Variants in FSTL5 observed in about 807,000 individuals in gnomAD.
The protein encoded by FSTL5 is follistatin-related protein 5.
FSTL5 carries 62 observed loss-of-function variants against 89.1 expected under a neutral mutation model. That is an observed-to-expected ratio of 0.70 (90% CI 0.57 to 0.86). The LOEUF is 0.86. Among genes scored for constraint, FSTL5 ranks in the 40% least tolerant of loss-of-function variants. FSTL5 has a pLI of 0.00. For missense variants in FSTL5, 1,057 were observed against 1,001.6 expected (o/e 1.06, Z -0.75); for synonymous variants, 383 against 346.2 (o/e 1.11, Z -1.18).
chr4:161,573,444 T>C (rs1382840632), intron 8 of FSTL5, among the ~76,000 whole-genome samples: 9 of 130,170 alleles, frequency 6.9e-5, no homozygotes, highest in Non-Finnish European at 1.5e-4. Flanking sequence ...GAGAGAGAGA[T>C]AAAAGAAAAT....
At chr4:161,551,381 T>C (rs1732206994) in intron 8 of FSTL5, among the ~76,000 whole-genome samples, 1 of 151,338 alleles carries the variant, frequency 6.6e-6, no homozygotes, top group Non-Finnish European at 1.5e-5. Flanking sequence ...ATAAATGTCT[T>C]CTTTTGAGAA....
chr4:161,425,518 G>T (rs1282039723), intron 15 of FSTL5, among the ~76,000 whole-genome samples: 1 of 152,170 alleles, frequency 6.6e-6, no homozygotes, highest in Non-Finnish European at 1.5e-5. Context: ...AATGATTCGT[G>T]TATCACATTT....
chr4:161,582,230 A>G (rs1204846376), intron 8 of FSTL5, among the ~76,000 whole-genome samples: 1 of 152,178 alleles, frequency 6.6e-6, no homozygotes, highest in East Asian at 1.9e-4. Context: ...TTTTGTTTTT[A>G]TTATGAATTG....
chr4:161,685,097 A>G (rs751064299), intron 6 of FSTL5, among the ~76,000 whole-genome samples: 1 of 152,072 alleles, frequency 6.6e-6, no homozygotes, highest in East Asian at 1.9e-4. Context: ...ATTCTGTTCC[A>G]TTGGTCTTTA....
intron 3 of FSTL5, among the ~76,000 whole-genome samples, chr4:162,024,933 G>A (rs891058242): frequency 2.6e-5 from 4 of 152,106 alleles, no homozygotes; most frequent in South Asian, 4.1e-4. Context: ...TTACAAGCAC[G>A]AGCCACTGCA....
At chr4:161,898,628 TTC>T (rs1491156973) in intron 4 of FSTL5, among the ~76,000 whole-genome samples, 2 of 133,078 alleles carry the variant, frequency 1.5e-5, no homozygotes, top group African/African-American at 5.6e-5. Context: ...CTGTATTATA[TTC>T]TTTTTTTTTT....
At chr4:161,580,904 G>A (rs1733411184) in intron 8 of FSTL5, among the ~76,000 whole-genome samples, 1 of 152,116 alleles carries the variant, frequency 6.6e-6, no homozygotes, top group South Asian at 2.1e-4. Flanking sequence ...AGTTATCAAG[G>A]GATATTCACC....
intron 6 of FSTL5, among the ~76,000 whole-genome samples, chr4:161,705,805 G>T (rs1278772194): frequency 6.7e-6 from 1 of 150,182 alleles, no homozygotes; most frequent in African/African-American, 2.4e-5. Context: ...CTATAATGAT[G>T]ATTTTATTGT....
intron 12 of FSTL5, among the ~76,000 whole-genome samples, chr4:161,494,875 C>T (rs1333742895): frequency 6.6e-6 from 1 of 151,974 alleles, no homozygotes; most frequent in Admixed American, 6.6e-5. Context: ...GCCTGGGCAA[C>T]CTTGCGAGGC....
intron 2 of FSTL5, among the ~76,000 whole-genome samples, chr4:162,106,952 G>C (rs151051151): frequency 6.6e-6 from 1 of 152,124 alleles, no homozygotes; most frequent in African/African-American, 2.4e-5. Flanking sequence ...AGAGAGTTCT[G>C]GAAGATTTTA....
chr4:161,722,713 A>C (rs999939889), intron 6 of FSTL5, among the ~76,000 whole-genome samples: 1 of 152,154 alleles, frequency 6.6e-6, no homozygotes, highest in Non-Finnish European at 1.5e-5. Context: ...TTATTCCCTT[A>C]AATACATTGA....
At chr4:161,574,741 T>G (rs1216014909) in intron 8 of FSTL5, among the ~76,000 whole-genome samples, 3 of 152,190 alleles carry the variant, frequency 2.0e-5, no homozygotes, top group Non-Finnish European at 4.4e-5. Flanking sequence ...ATGTGCCACG[T>G]TTTTCATTGA....
intron 4 of FSTL5, among the ~76,000 whole-genome samples, chr4:161,848,036 CA>C (rs139315536): frequency 0.011 from 542 of 48,188 alleles, no homozygotes; most frequent in African/African-American, 0.044. Context: ...GACTCCGTCT[CA>C]AAAAAAAAAA....
intron 6 of FSTL5, among the ~76,000 whole-genome samples, chr4:161,661,545 A>G (rs2126687605): frequency 6.6e-6 from 1 of 152,310 alleles, no homozygotes; most frequent in Non-Finnish European, 1.5e-5. Flanking sequence ...CATATAAGAT[A>G]ACCACAATTA....
intron 4 of FSTL5, among the ~76,000 whole-genome samples, chr4:161,813,722 G>A (rs1324047977): frequency 6.6e-6 from 1 of 151,976 alleles, no homozygotes; most frequent in Non-Finnish European, 1.5e-5. Context: ...ATTACTGCTA[G>A]CAGAGTACAG....
chr4:161,598,990 A>G (rs1734136732), intron 7 of FSTL5, among the ~76,000 whole-genome samples: 1 of 152,174 alleles, frequency 6.6e-6, no homozygotes, highest in Non-Finnish European at 1.5e-5. Flanking sequence ...TAATTTACAA[A>G]TTAAACTATA....
At chr4:161,693,805 CT>C (rs968826259) in intron 6 of FSTL5, among the ~76,000 whole-genome samples, 6 of 151,126 alleles carry the variant, frequency 4.0e-5, no homozygotes, top group Non-Finnish European at 8.9e-5. Context: ...CGCCCGGCTA[CT>C]TTTTTGTATT....
At chr4:162,039,501 T>C (rs1347972350) in intron 2 of FSTL5, among the ~76,000 whole-genome samples, 1 of 151,972 alleles carries the variant, frequency 6.6e-6, no homozygotes, top group East Asian at 1.9e-4. Flanking sequence ...AGTTATTTTC[T>C]TTTTAAGAAA....
rs534985909 is a variant in FSTL5, at chr4:161,568,400, T to C, written c.1015+19055A>G. 5.3e-5 allele frequency among the ~76,000 whole-genome samples: 8 copies of C among 152,280 alleles called. 1 individual carries two copies. In the South Asian group the frequency reaches 1.7e-3, roughly 32 times the overall value. The stretch of plus-strand genomic sequence containing the variant: ...TTTTGAAATAGCTTCAGCGGGTAAC[T>C]TAGCCCTGATGGTATATGCCTTAGA... On this transcript the variant is annotated intron_variant, in intron 8 of 15. Transcript: ENST00000306100.
Sources: allele counts gnomAD v4.1 joint callset (sites outside exome capture counted in the v4.1 genomes callset), GRCh38; gene constraint gnomAD v4.1.1; transcripts MANE v1.5; gene names NCBI Gene and HGNC (gene_info 2026-07-23, HGNC 2026-07-21).